HDAC9: variants seen among roughly 807,000 people sequenced by gnomAD.
The protein encoded by HDAC9 is histone deacetylase 9.
A neutral mutation model predicts 139.4 loss-of-function variants in HDAC9; 41 were observed. The ratio of observed to expected loss-of-function variants is 0.29; its 90% CI spans 0.23 to 0.38. The LOEUF is 0.38. Ranked by LOEUF, HDAC9 falls within the 10% of genes least tolerant of loss-of-function variation. The probability of loss-of-function intolerance (pLI) is 1.00; values close to 1 mark genes in which losing one functional copy is unlikely to be tolerated. For missense variants in HDAC9, 1,147 were observed against 1,297.0 expected, an observed-to-expected ratio of 0.88 and a Z score of 1.78; for synonymous variants, 517 against 476.2, an observed-to-expected ratio of 1.09 and a Z score of -1.12.
At chr7:18,422,819 T>A (rs1377254441) in intron 1 of HDAC9, among the ~76,000 whole-genome samples, 4 of 151,954 alleles carry the variant, frequency 2.6e-5, no homozygotes, top group African/African-American at 9.7e-5. Flanking sequence ...TTAAAGGTTA[T>A]TTTTTTCCCC....
intron 17 of HDAC9, among the ~76,000 whole-genome samples, chr7:18,807,106 TA>T (rs1306728938): frequency 6.6e-6 from 1 of 152,236 alleles, no homozygotes; most frequent in Non-Finnish European, 1.5e-5. Context: ...TTGGGATTTT[TA>T]AATTTTTGAT....
At chr7:18,619,789 A>G (rs564931723) in intron 6 of HDAC9, among the ~76,000 whole-genome samples, 1 of 152,272 alleles carries the variant, frequency 6.6e-6, no homozygotes, top group South Asian at 2.1e-4. Context: ...CCTCACCAGC[A>G]TACTTAATCT....
intron 2 of HDAC9, among the ~76,000 whole-genome samples, chr7:18,233,968 A>T (rs1793647394): frequency 2.0e-5 from 3 of 152,102 alleles, no homozygotes; most frequent in Admixed American, 2.0e-4. Flanking sequence ...CATCTGCATC[A>T]ATTACATTCA....
rs1355203825 is a variant in HDAC9 at position 18,640,381 on chromosome 7, A to AGG, written c.913-4290_913-4289insGG. 3.6e-3 allele frequency among the ~76,000 whole-genome samples: 537 copies of AGG among 150,924 alleles called. 1 individual carries two copies. The highest frequency in any genetic ancestry group is 5.7e-3 in the Non-Finnish European group (385 of 67,590). ...TTAAAAAAAAAAAAAAAAAAAAAAA[A>AGG]AAAAAGGAAAAGTAGGTAATTATTT... On this transcript the variant is annotated intron_variant, in intron 8 of 25. Transcript: ENST00000686413.
intron 2 of HDAC9, among the ~76,000 whole-genome samples, chr7:18,208,651 C>G (rs550890614): frequency 4.6e-5 from 7 of 152,150 alleles, no homozygotes; most frequent in African/African-American, 1.7e-4. Context: ...GTTGTGATTA[C>G]AGGCCTGAGC....
chr7:18,564,804 A>G (rs1413588420), intron 2 of HDAC9, among the ~76,000 whole-genome samples: 2 of 152,050 alleles, frequency 1.3e-5, no homozygotes, highest in Non-Finnish European at 1.5e-5. Flanking sequence ...TGTAAGATGA[A>G]GCAATGTCTT....
chr7:18,666,524 C>T, intron 12 of HDAC9, 48 bp downstream of exon 12: 1 of 1,582,460 alleles, frequency 6.3e-7, no homozygotes, highest in South Asian at 1.1e-5. Context: ...AAGTCATTAT[C>T]TGAACATGAA....
At chr7:18,834,459 A>T (rs1282153736) in intron 19 of HDAC9, among the ~76,000 whole-genome samples, 1 of 150,586 alleles carries the variant, frequency 6.6e-6, no homozygotes, top group Admixed American at 6.6e-5. Flanking sequence ...TTCATTTCTT[A>T]TATCAATTCT....
At chr7:18,479,871 A>T (rs141018223) in intron 1 of HDAC9, among the ~76,000 whole-genome samples, 4 of 152,074 alleles carry the variant, frequency 2.6e-5, no homozygotes, top group Admixed American at 2.0e-4. Context: ...GTGTGAGAGT[A>T]GGCCTGTGTG....
chr7:18,397,234 T>C (rs1787146203), intron 1 of HDAC9, among the ~76,000 whole-genome samples: 2 of 152,242 alleles, frequency 1.3e-5, no homozygotes, highest in South Asian at 4.1e-4. Flanking sequence ...TTAGTGGTCA[T>C]ATAGTTTTTG....
intron 21 of HDAC9, among the ~76,000 whole-genome samples, chr7:18,859,811 CATATATATATATATATAT>C (rs56249427): frequency 0.031 from 1,407 of 44,860 alleles, 110 homozygotes; most frequent in East Asian, 0.25. Context: ...CTAACGCTCT[CATATATATATATATATAT>C]ATATATATAT....
intron 1 of HDAC9, among the ~76,000 whole-genome samples, chr7:18,443,153 C>T (rs1166673642): frequency 6.6e-6 from 1 of 152,114 alleles, no homozygotes; most frequent in Non-Finnish European, 1.5e-5. Context: ...TGGTGAAGAC[C>T]TACTTTGACC....
chr7:18,869,782 A>G (rs1798777388), intron 21 of HDAC9, among the ~76,000 whole-genome samples: 1 of 152,076 alleles, frequency 6.6e-6, no homozygotes, highest in Non-Finnish European at 1.5e-5. Flanking sequence ...ACCGGTTTAG[A>G]GAGTTTTCCT....
In HDAC9 at chr7:18,988,057, C is replaced by G. The variant is rs546554797; in HGVS notation, c.3171-7966C>G. On this transcript the variant is annotated intron_variant, in intron 25 of 25. Coordinates refer to ENST00000686413, the MANE Select transcript of HDAC9 (RefSeq NM_178425.4). ...TAATTTTTTGAAGGGTTTTTTGTGT[C>G]TCTATTCAGTTCTGCTCTGATTTTA... is the stretch of plus-strand genomic sequence containing the variant. 1.9e-3 allele frequency among the ~76,000 whole-genome samples: 283 copies of G among 152,198 alleles called. 2 individuals carry two copies. The highest frequency in any genetic ancestry group is 6.7e-3 in the African/African-American group (278 of 41,540).
chr7:18,987,877 G>T (rs1355898466), intron 25 of HDAC9, among the ~76,000 whole-genome samples: 2 of 152,142 alleles, frequency 1.3e-5, no homozygotes, highest in African/African-American at 4.8e-5. Flanking sequence ...AGTATTCTCT[G>T]ATGGTAGTTT....
chr7:18,338,390 GT>G (rs1019434547), intron 1 of HDAC9, among the ~76,000 whole-genome samples: 1 of 151,528 alleles, frequency 6.6e-6, no homozygotes, highest in African/African-American at 2.4e-5. Context: ...TTTCCTTAAT[GT>G]TTTCTTAGAT....
intron 1 of HDAC9, among the ~76,000 whole-genome samples, chr7:18,385,612 T>C (rs2128718294): frequency 6.6e-6 from 1 of 152,278 alleles, no homozygotes; most frequent in Non-Finnish European, 1.5e-5. Flanking sequence ...TCAAATTGAC[T>C]AAAATAAGGG....
chr7:18,168,210 C>T (rs1788136426), intron 2 of HDAC9, among the ~76,000 whole-genome samples: 1 of 152,176 alleles, frequency 6.6e-6, no homozygotes, highest in Admixed American at 6.5e-5. Context: ...TATAATTGCA[C>T]ATATGCTGAG....
intron 2 of HDAC9, among the ~76,000 whole-genome samples, chr7:18,206,454 G>C (rs1033334001): frequency 6.6e-6 from 1 of 152,096 alleles, no homozygotes; most frequent in Non-Finnish European, 1.5e-5. Context: ...CCTCAGTGAC[G>C]TAAATAAATC....
Sources: gnomAD v4.1 joint callset for allele counts (sites outside exome capture counted in the v4.1 genomes callset) on GRCh38, gnomAD v4.1.1 for gene constraint, MANE v1.5 for transcripts, NCBI Gene and HGNC (gene_info 2026-07-23, HGNC 2026-07-21) for gene names.